Variants in NDUFAF2 observed in about 807,000 individuals in gnomAD.
The protein encoded by NDUFAF2 is NADH dehydrogenase [ubiquinone] 1 alpha subcomplex assembly factor 2.
Under a neutral mutation model 22.8 loss-of-function variants are expected in NDUFAF2, and 13 were observed. The ratio of observed to expected loss-of-function variants is 0.57; its 90% CI spans 0.37 to 0.91. The LOEUF is 0.91. Ranked by LOEUF, NDUFAF2 falls within the 40% of genes least tolerant of loss-of-function variation. NDUFAF2 has a pLI of 0.01. For synonymous variants in NDUFAF2, 53 were observed against 64.2 expected (o/e 0.83, Z 0.84); for missense variants, 162 against 195.2 (o/e 0.83, Z 1.01).
chr5:61,015,882 A>G (rs1206874697), intron 1 of NDUFAF2, among the ~76,000 whole-genome samples: 1 of 152,042 alleles, frequency 6.6e-6, no homozygotes, highest in Non-Finnish European at 1.5e-5. Context: ...TGGCTAACAG[A>G]TTTGTGTTTT....
intron 1 of NDUFAF2, among the ~76,000 whole-genome samples, chr5:61,004,746 T>G (rs1177834384): frequency 6.6e-6 from 1 of 151,928 alleles, no homozygotes; most frequent in African/African-American, 2.4e-5. Flanking sequence ...CTGTTTCAGA[T>G]CCAAGACACA....
chr5:60,945,415 T>C, intron 1 of NDUFAF2, 33 bp downstream of exon 1: 3 of 1,614,080 alleles, frequency 1.9e-6, no homozygotes, highest in Non-Finnish European at 2.5e-6. Flanking sequence ...GATTGCGTGG[T>C]CAGTGATTGC....
chr5:61,072,724 G>A (rs1329608016), intron 1 of NDUFAF2, among the ~76,000 whole-genome samples: 1 of 152,024 alleles, frequency 6.6e-6, no homozygotes. Context: ...AGCCTCCTGA[G>A]TAGAGTAGCT....
intron 3 of NDUFAF2, among the ~76,000 whole-genome samples, chr5:61,122,685 T>A (rs564677188): frequency 6.6e-6 from 1 of 152,348 alleles, no homozygotes; most frequent in Non-Finnish European, 1.5e-5. Flanking sequence ...TTGAATTTTT[T>A]AAACTACTTT....
At chr5:61,097,758 C>T (rs1752662915) in intron 2 of NDUFAF2, among the ~76,000 whole-genome samples, 1 of 152,206 alleles carries the variant, frequency 6.6e-6, no homozygotes, top group Non-Finnish European at 1.5e-5. Flanking sequence ...CTGGCTTTCT[C>T]TTTCTGGTTT....
At chr5:60,999,416 T>A (rs1425196677) in intron 1 of NDUFAF2, among the ~76,000 whole-genome samples, 1 of 152,118 alleles carries the variant, frequency 6.6e-6, no homozygotes, top group Non-Finnish European at 1.5e-5. Flanking sequence ...TTATACTTGC[T>A]GCCACATGGA....
At chr5:60,973,528 T>C (rs1750863431) in intron 1 of NDUFAF2, among the ~76,000 whole-genome samples, 1 of 152,154 alleles carries the variant, frequency 6.6e-6, no homozygotes, top group African/African-American at 2.4e-5. Context: ...AATTCTATAC[T>C]CAGAAGCACT....
At chr5:60,979,429 G>A (rs1178761043) in intron 1 of NDUFAF2, among the ~76,000 whole-genome samples, 1 of 152,064 alleles carries the variant, frequency 6.6e-6, no homozygotes, top group East Asian at 1.9e-4. Flanking sequence ...GGGAAGCCCA[G>A]CATCCTAAAA....
At chr5:61,044,077 G>T (rs1236278110) in intron 1 of NDUFAF2, among the ~76,000 whole-genome samples, 1 of 152,062 alleles carries the variant, frequency 6.6e-6, no homozygotes, top group African/African-American at 2.4e-5. Context: ...TCTCATTGTG[G>T]TTTTAATTTG....
rs182572661 is a variant in NDUFAF2, at chr5:61,100,451, A to G, written c.258+1419A>G. ...GAGCTCACTCTTGTTAATTTTGATT[A>G]TCCAAAATGAGCCCTCTTTTGTTGC... On this transcript the variant is annotated intron_variant, in intron 3 of 3. Transcript: ENST00000296597. Among the ~76,000 whole-genome samples the G allele has an allele frequency of 1.9e-3, 289 of 152,150 alleles. 1 individual carries two copies. The highest frequency in any genetic ancestry group is 1.8e-3 in the Non-Finnish European group (120 of 68,002).
chr5:60,997,528 C>T (rs1039780438), intron 1 of NDUFAF2, among the ~76,000 whole-genome samples: 2 of 152,168 alleles, frequency 1.3e-5, no homozygotes, highest in African/African-American at 4.8e-5. Flanking sequence ...CTTTATTGAG[C>T]TCTCTTTGTA....
chr5:61,109,836 C>T (rs763370310), intron 3 of NDUFAF2, among the ~76,000 whole-genome samples: 7 of 152,108 alleles, frequency 4.6e-5, no homozygotes, highest in East Asian at 1.9e-4. Context: ...CCTCCCCAGC[C>T]GTGCAGAACT....
intron 3 of NDUFAF2, among the ~76,000 whole-genome samples, chr5:61,136,915 T>G (rs1740970589): frequency 6.6e-6 from 1 of 152,136 alleles, no homozygotes. Flanking sequence ...TTATATAAGG[T>G]GAATATGGTC....
chr5:60,961,320 G>T (rs1254828056), intron 1 of NDUFAF2, among the ~76,000 whole-genome samples: 1 of 152,032 alleles, frequency 6.6e-6, no homozygotes, highest in Non-Finnish European at 1.5e-5. Flanking sequence ...ATTAGGCCGG[G>T]CACGGTGGCT....
intron 1 of NDUFAF2, 128 bp downstream of exon 1, chr5:60,945,510 C>G (rs909143409): frequency 5.8e-6 from 8 of 1,381,964 alleles, no homozygotes; most frequent in Non-Finnish European, 8.1e-6. Flanking sequence ...AGAGAATTTC[C>G]CGAGTTCGTT....
intron 1 of NDUFAF2, among the ~76,000 whole-genome samples, chr5:61,060,526 A>G (rs6860436): frequency 9.1e-4 from 138 of 152,296 alleles, no homozygotes; most frequent in African/African-American, 3.2e-3. Flanking sequence ...TGCCACTGCT[A>G]TAAAAGGAGA....
intron 1 of NDUFAF2, among the ~76,000 whole-genome samples, chr5:61,058,019 T>C (rs1325311589): frequency 6.6e-6 from 1 of 152,188 alleles, no homozygotes; most frequent in African/African-American, 2.4e-5. Flanking sequence ...TTATTCATAT[T>C]TAAAACTGCC....
intron 3 of NDUFAF2, chr5:61,114,420 T>C (rs1345557864): frequency 6.6e-6 from 1 of 152,232 alleles, no homozygotes; most frequent in Non-Finnish European, 1.5e-5. Flanking sequence ...TCTGATAGAA[T>C]AGTGAATTCC....
chr5:61,073,659 T>C (rs1580122731), intron 2 of NDUFAF2, among the ~76,000 whole-genome samples: 1 of 152,324 alleles, frequency 6.6e-6, no homozygotes, highest in East Asian at 1.9e-4. Flanking sequence ...TTGGAGTATT[T>C]TTTCAACTCA....
Sources: gnomAD v4.1 joint callset for allele counts (sites outside exome capture counted in the v4.1 genomes callset) on GRCh38, gnomAD v4.1.1 for gene constraint, MANE v1.5 for transcripts, NCBI Gene and HGNC (gene_info 2026-07-23, HGNC 2026-07-21) for gene names.